KCTD8: variants seen among roughly 807,000 people sequenced by gnomAD.
The protein encoded by KCTD8 is potassium channel tetramerization domain containing 8, also known as BTB/POZ domain-containing protein KCTD8.
KCTD8 carries 27 observed loss-of-function variants against 31.5 expected under a neutral mutation model. That is an observed-to-expected ratio of 0.86 (90% CI 0.63 to 1.18). The LOEUF (loss-of-function observed/expected upper bound fraction) is 1.18, where lower values mean the gene tolerates loss of function less well. Among genes scored for constraint, KCTD8 ranks in the 50% most tolerant of loss-of-function variants. The pLI, the probability that KCTD8 is intolerant of heterozygous loss-of-function variation, is 0.00. For missense variants in KCTD8, 658 were observed against 647.7 expected (o/e 1.02, Z -0.17); for synonymous variants, 290 against 280.0 (o/e 1.04, Z -0.36).
At chr4:44,182,696 T>A (rs1713464807) in intron 1 of KCTD8, among the ~76,000 whole-genome samples, 1 of 152,120 alleles carries the variant, frequency 6.6e-6, no homozygotes, top group Non-Finnish European at 1.5e-5. Flanking sequence ...AGACCTTTGT[T>A]CACTTGTTTA....
intron 1 of KCTD8, among the ~76,000 whole-genome samples, chr4:44,355,618 T>C (rs915596111): frequency 6.6e-6 from 1 of 152,198 alleles, no homozygotes; most frequent in Admixed American, 6.5e-5. Context: ...AAGAAATTGT[T>C]CTCATTTATT....
chr4:44,246,501 A>C (rs1011528499), intron 1 of KCTD8, among the ~76,000 whole-genome samples: 1 of 152,056 alleles, frequency 6.6e-6, no homozygotes, highest in Non-Finnish European at 1.5e-5. Context: ...TTTCAAGATA[A>C]AGGAAAGGAA....
chr4:44,430,926 T>C (rs1378625982), intron 1 of KCTD8, among the ~76,000 whole-genome samples: 1 of 151,538 alleles, frequency 6.6e-6, no homozygotes, highest in African/African-American at 2.4e-5. Context: ...CTTTTTTTTT[T>C]CTTGTCATCC....
intron 1 of KCTD8, among the ~76,000 whole-genome samples, chr4:44,283,926 T>G (rs1185576503): frequency 6.6e-6 from 1 of 152,054 alleles, no homozygotes; most frequent in Non-Finnish European, 1.5e-5. Flanking sequence ...ACGAAGAATG[T>G]GAAGGACCTC....
At chr4:44,370,797 T>G (rs1030118903) in intron 1 of KCTD8, among the ~76,000 whole-genome samples, 1 of 152,130 alleles carries the variant, frequency 6.6e-6, no homozygotes, top group Non-Finnish European at 1.5e-5. Context: ...CCAGCCTCAA[T>G]TCCTAGAAGT....
chr4:44,256,445 C>T (rs1042069446), intron 1 of KCTD8, among the ~76,000 whole-genome samples: 25 of 151,494 alleles, frequency 1.7e-4, no homozygotes, highest in African/African-American at 2.9e-4. Context: ...ATAGATACTT[C>T]GAGAAAAAAG....
intron 1 of KCTD8, among the ~76,000 whole-genome samples, chr4:44,302,286 T>A (rs1717650404): frequency 6.6e-6 from 1 of 152,166 alleles, no homozygotes; most frequent in Non-Finnish European, 1.5e-5. Flanking sequence ...CGGATGGCAT[T>A]GAATCTATAA....
At chr4:44,288,011 A>G (rs1717153053) in intron 1 of KCTD8, among the ~76,000 whole-genome samples, 1 of 152,156 alleles carries the variant, frequency 6.6e-6, no homozygotes. Context: ...CAGAATAAGG[A>G]AGAGTTGCCT....
chr4:44,329,130 C>A (rs920044560), intron 1 of KCTD8, among the ~76,000 whole-genome samples: 1 of 150,224 alleles, frequency 6.7e-6, no homozygotes, highest in Non-Finnish European at 1.5e-5. Flanking sequence ...AAAGAGTTAA[C>A]GGGTTTCAAT....
intron 1 of KCTD8, among the ~76,000 whole-genome samples, chr4:44,309,323 G>A (rs779202841): frequency 3.3e-5 from 5 of 152,006 alleles, no homozygotes; most frequent in Non-Finnish European, 4.4e-5. Context: ...ACAGACATGA[G>A]CCACTGTGCT....
At chr4:44,232,487 G>C (rs1342562850) in intron 1 of KCTD8, among the ~76,000 whole-genome samples, 2 of 152,064 alleles carry the variant, frequency 1.3e-5, no homozygotes, top group African/African-American at 4.8e-5. Context: ...AACTAATAGG[G>C]CTATACAAGT....
intron 1 of KCTD8, among the ~76,000 whole-genome samples, chr4:44,223,307 G>A (rs1714860614): frequency 6.6e-6 from 1 of 152,124 alleles, no homozygotes; most frequent in South Asian, 2.1e-4. Flanking sequence ...ATTTTGGGGT[G>A]GAGAAGGAAG....
At chr4:44,399,795 C>T (rs1242040181) in intron 1 of KCTD8, among the ~76,000 whole-genome samples, 3 of 152,036 alleles carry the variant, frequency 2.0e-5, no homozygotes, top group African/African-American at 4.8e-5. Context: ...AGAAGAAGGC[C>T]CAAACTTAAG....
chr4:44,243,545 C>T (rs1217513194), intron 1 of KCTD8, among the ~76,000 whole-genome samples: 1 of 152,162 alleles, frequency 6.6e-6, no homozygotes, highest in African/African-American at 2.4e-5. Context: ...GGAAAAGTGG[C>T]CCTTCTGGAA....
rs182471051 is a variant in KCTD8, at chr4:44,368,892, G to A, written c.961+78671C>T. On this transcript the variant is annotated intron_variant, in intron 1 of 1. Transcript: ENST00000360029. ...GAAATCTTACCTTTTGGCACATTTC[G>A]GTGTCTGCACTGAACTACTTCTGCC... Among the ~76,000 whole-genome samples, 5 of 152,144 alleles carry A rather than the reference G, an allele frequency of 3.3e-5. No homozygotes were observed. The East Asian group carries it at 7.7e-4, about 24-fold the overall frequency.
At chr4:44,183,038 A>G (rs1713474886) in intron 1 of KCTD8, among the ~76,000 whole-genome samples, 1 of 152,192 alleles carries the variant, frequency 6.6e-6, no homozygotes, top group Non-Finnish European at 1.5e-5. Flanking sequence ...TGTTCACTTG[A>G]ATACTGAGAG....
chr4:44,416,501 G>A lies in KCTD8; in HGVS notation c.961+31062C>T, dbSNP rs1350562450. On this transcript the variant is annotated intron_variant, in intron 1 of 1. Coordinates refer to ENST00000360029, the MANE Select transcript of KCTD8 (RefSeq NM_198353.3). Reference sequence around the variant, plus strand: ...TGTTGAAATGTAATCCCCAATGTTGGAGGCGGGACCTAGTGGTAGGTATTT... The same window carrying A: ...TGTTGAAATGTAATCCCCAATGTTGAAGGCGGGACCTAGTGGTAGGTATTT... Among the ~76,000 whole-genome samples the A allele has an allele frequency of 2.0e-5, 3 of 152,288 alleles. No individual in the cohort carries two copies. In the East Asian group the frequency reaches 5.8e-4, roughly 29 times the overall value.
Position 44,346,153 on chromosome 4 carries a change from G to C in KCTD8, c.961+101410C>G, listed in dbSNP as rs527984859. On this transcript the variant is annotated intron_variant, in intron 1 of 1. Coordinates refer to ENST00000360029, the MANE Select transcript of KCTD8 (RefSeq NM_198353.3). Reference sequence around the variant, plus strand: ...ATATGATCCCACTTTCAAATTCTATGGCAGTTTCCAAGTTTTTTATTCAAA... The same window carrying C: ...ATATGATCCCACTTTCAAATTCTATCGCAGTTTCCAAGTTTTTTATTCAAA... Among the ~76,000 whole-genome samples the C allele has an allele frequency of 1.5e-4, 23 of 152,142 alleles. 1 individual carries two copies. In the East Asian group the frequency reaches 2.7e-3, roughly 18 times the overall value.
chr4:44,232,869 G>A (rs1715165099), intron 1 of KCTD8, among the ~76,000 whole-genome samples: 1 of 151,874 alleles, frequency 6.6e-6, no homozygotes, highest in Admixed American at 6.6e-5. Flanking sequence ...CTAGAAATGT[G>A]GACATAAATG....
Sources: gnomAD v4.1 joint callset for allele counts (sites outside exome capture counted in the v4.1 genomes callset) on GRCh38, gnomAD v4.1.1 for gene constraint, MANE v1.5 for transcripts, NCBI Gene and HGNC (gene_info 2026-07-23, HGNC 2026-07-21) for gene names.